Variants in F13A1 observed in about 807,000 individuals in gnomAD.
F13A1 encodes the protein coagulation factor XIII A chain, also known as FSF, A subunit.
F13A1 carries 47 observed loss-of-function variants against 80.1 expected under a neutral mutation model. The observed-to-expected ratio is 0.59, with a 90% confidence interval of 0.46 to 0.75. The LOEUF (loss-of-function observed/expected upper bound fraction) is 0.75. Ranked by LOEUF, F13A1 falls within the 30% of genes least tolerant of loss-of-function variation. The probability of loss-of-function intolerance (pLI) is 0.00; values close to 1 mark genes in which losing one functional copy is unlikely to be tolerated. For missense variants in F13A1, 817 were observed against 930.4 expected (o/e 0.88, Z 1.59); for synonymous variants, 349 against 344.9 (o/e 1.01, Z -0.13).
chr6:6,178,927 A>AACAGC (rs1239446910), intron 11 of F13A1, among the ~76,000 whole-genome samples: 3 of 152,232 alleles, frequency 2.0e-5, no homozygotes, highest in Admixed American at 2.0e-4. Flanking sequence ...CCTTGAGAAC[A>AACAGC]ACTTCAAGGA....
chr6:6,294,093 AC>A (rs1758277562), intron 3 of F13A1, among the ~76,000 whole-genome samples: 1 of 151,156 alleles, frequency 6.6e-6, no homozygotes. Flanking sequence ...CTGCACATTT[AC>A]CCCCGAACCT....
At chr6:6,185,629 C>T (rs1473026911) in intron 10 of F13A1, among the ~76,000 whole-genome samples, 6 of 151,772 alleles carry the variant, frequency 4.0e-5, no homozygotes, top group South Asian at 2.1e-4. Context: ...CATTGTTGGA[C>T]ATTTGGGTTG....
At chr6:6,283,987 G>A (rs1034303499) in intron 3 of F13A1, among the ~76,000 whole-genome samples, 13 of 152,224 alleles carry the variant, frequency 8.5e-5, no homozygotes, top group African/African-American at 3.1e-4. Flanking sequence ...GGGTTACTTA[G>A]TGAATCACTG....
intron 4 of F13A1, among the ~76,000 whole-genome samples, chr6:6,255,029 A>G (rs1757684403): frequency 6.6e-6 from 1 of 152,144 alleles, no homozygotes; most frequent in Admixed American, 6.5e-5. Context: ...TTATTATCAG[A>G]GTCCTTCAAC....
intron 6 of F13A1, among the ~76,000 whole-genome samples, chr6:6,241,886 G>C (rs182730028): frequency 6.6e-5 from 10 of 152,030 alleles, no homozygotes; most frequent in African/African-American, 2.2e-4. Flanking sequence ...TATAATTAAG[G>C]TTTGTTGCAT....
At chr6:6,236,037 G>T (rs1757409219) in intron 6 of F13A1, among the ~76,000 whole-genome samples, 1 of 152,096 alleles carries the variant, frequency 6.6e-6, no homozygotes. Context: ...AAGCATAAAA[G>T]AAGCCTCACA....
At chr6:6,167,352 G>C (rs1760693665) in intron 13 of F13A1, 106 bp downstream of exon 13, 6 of 1,079,720 alleles carry the variant, frequency 5.6e-6, no homozygotes, top group African/African-American at 1.7e-5. Context: ...TTTTTGAGCA[G>C]GACATTCATT....
chr6:6,190,578 C>A (rs1460880832), intron 10 of F13A1, among the ~76,000 whole-genome samples: 2 of 151,412 alleles, frequency 1.3e-5, no homozygotes, highest in Admixed American at 6.6e-5. Flanking sequence ...GCAGTCTGCC[C>A]CTTCTCAGAT....
intron 7 of F13A1, 96 bp downstream of exon 7, chr6:6,224,590 C>CA: frequency 8.5e-7 from 1 of 1,180,730 alleles, no homozygotes. Context: ...ATAGTGTCAA[C>CA]AGGGGCTGCT....
At chr6:6,291,148 C>T (rs1312909203) in intron 3 of F13A1, among the ~76,000 whole-genome samples, 3 of 152,184 alleles carry the variant, frequency 2.0e-5, no homozygotes, top group Non-Finnish European at 4.4e-5. Flanking sequence ...AGGCATGAGG[C>T]TTAGTTCATA....
chr6:6,173,496 C>A (rs1760814073), intron 12 of F13A1, among the ~76,000 whole-genome samples: 1 of 151,822 alleles, frequency 6.6e-6, no homozygotes, highest in Non-Finnish European at 1.5e-5. Flanking sequence ...CAACCTCCGC[C>A]TCCCGGGTTC....
chr6:6,269,401 T>A (rs1757889506), intron 3 of F13A1, among the ~76,000 whole-genome samples: 1 of 151,722 alleles, frequency 6.6e-6, no homozygotes, highest in Non-Finnish European at 1.5e-5. Context: ...AACAAACCTA[T>A]CAAAGCCCAA....
At chr6:6,266,444 T>C in intron 4 of F13A1, 114 bp downstream of exon 4, 6 of 1,537,782 alleles carry the variant, frequency 3.9e-6, no homozygotes, top group Non-Finnish European at 5.4e-6. Context: ...ACTCCTGGCC[T>C]CAAGCGATCC....
At chr6:6,165,745 C>T (rs1201377765) in intron 13 of F13A1, among the ~76,000 whole-genome samples, 1 of 152,358 alleles carries the variant, frequency 6.6e-6, no homozygotes, top group African/African-American at 2.4e-5. Flanking sequence ...ATTAACTTCA[C>T]GTTCTCATGG....
chr6:6,244,960 C>T (rs1356314837), intron 6 of F13A1, among the ~76,000 whole-genome samples: 1 of 152,120 alleles, frequency 6.6e-6, no homozygotes, highest in Non-Finnish European at 1.5e-5. Flanking sequence ...ACTTACATTC[C>T]ATAGGTGGAG....
chr6:6,306,271 A>T (rs562252678), intron 2 of F13A1, among the ~76,000 whole-genome samples: 2 of 152,254 alleles, frequency 1.3e-5, no homozygotes, highest in Non-Finnish European at 2.9e-5. Flanking sequence ...TCTGATGCCA[A>T]CATTCACAGG....
chr6:6,307,112 G>C (rs1180652100), intron 2 of F13A1, among the ~76,000 whole-genome samples: 1 of 152,148 alleles, frequency 6.6e-6, no homozygotes, highest in Non-Finnish European at 1.5e-5. Flanking sequence ...GTCTATGAAG[G>C]CTCAATGAGA....
chr6:6,252,994 A>G (rs916526613), intron 4 of F13A1, among the ~76,000 whole-genome samples: 1 of 151,954 alleles, frequency 6.6e-6, no homozygotes, highest in Non-Finnish European at 1.5e-5. Flanking sequence ...CCCCATCTCT[A>G]CTAAAAATAA....
chr6:6,315,135 T>C (rs757116367), intron 2 of F13A1, among the ~76,000 whole-genome samples: 44 of 152,336 alleles, frequency 2.9e-4, no homozygotes, highest in Admixed American at 1.7e-3. Context: ...TTGTTAACAA[T>C]ATAGAGCCAA....
Sources: gnomAD v4.1 joint callset for allele counts (sites outside exome capture counted in the v4.1 genomes callset) on GRCh38, gnomAD v4.1.1 for gene constraint, MANE v1.5 for transcripts, NCBI Gene and HGNC (gene_info 2026-07-23, HGNC 2026-07-21) for gene names.